Variants in FBXO41 observed in about 807,000 individuals in gnomAD.
FBXO41 encodes F-box only protein 41.
Under a neutral mutation model 81.6 loss-of-function variants are expected in FBXO41, and 33 were observed. The observed-to-expected ratio is 0.40, with a 90% CI of 0.31 to 0.54. The LOEUF is 0.54. Ranked by LOEUF, FBXO41 falls within the 20% of genes least tolerant of loss-of-function variation. The pLI is 0.39. For missense variants in FBXO41, 1,107 were observed against 1,236.0 expected, an observed-to-expected ratio of 0.90 and a Z score of 1.56; for synonymous variants, 576 against 552.7, an observed-to-expected ratio of 1.04 and a Z score of -0.59.
At chr2:73,265,859 G>T in intron 4 of FBXO41, 34 bp downstream of exon 4, 1 of 1,558,496 alleles carries the variant, frequency 6.4e-7, no homozygotes, top group Non-Finnish European at 8.7e-7. Context: ...GGGTGAGGGT[G>T]GGCTGCATGG....
At position 73,264,273 on chromosome 2, in the gene FBXO41, G is replaced by C; in HGVS notation, c.1806+5C>G. The stretch of plus-strand genomic sequence containing the variant: ...AGGGCACAGAAGGCAGGCAGGGGCA[G>C]GTACCTTGGAGCAGACACGGGCATT... On this transcript the variant is annotated splice_donor_5th_base_variant and intron_variant, in intron 6 of 12. Coordinates refer to ENST00000520530, the MANE Select transcript of FBXO41 (RefSeq NM_001371389.2). The C allele has an allele frequency of 6.2e-7, 1 of 1,613,228 alleles. No individual in the cohort carries two copies. The highest frequency in any genetic ancestry group is 2.2e-5 in the East Asian group (1 of 44,846).
chr2:73,258,836 G>A lies in FBXO41; in HGVS notation c.*146C>T. On this transcript the variant is annotated 3_prime_UTR_variant, in exon 13 of 13. Transcript: ENST00000520530. ...GCCTGTTGCTCTGCTGCTCCAGGAG[G>A]AGGACAGGAGACTTGACAGTCCCCC... 1.2e-6 allele frequency: 1 copy of A among 858,268 alleles called. No individual in the cohort carries two copies. Among genetic ancestry groups the A allele is most frequent in the Non-Finnish European group, 1.7e-6 (1 of 573,090 alleles). 53.2% of individuals were successfully genotyped at this position (858,268 alleles called of 1,614,324 possible). A position where few individuals can be genotyped will look rare whatever the true frequency, so the allele number is the denominator to read the frequency against.
chr2:73,260,994 G>GATC lies in FBXO41; in HGVS notation c.2172-139_2172-137dup. 1 of 657,984 alleles carries GATC rather than the reference G, an allele frequency of 1.5e-6. No homozygotes were observed. Among genetic ancestry groups the GATC allele is most frequent in the Non-Finnish European group, 2.6e-6 (1 of 385,420 alleles). 40.8% of individuals were successfully genotyped at this position (657,984 alleles called of 1,614,324 possible). ...CCAGCAGGTCAAGTCAGAGAACCAG[G>GATC]ATCATCCCTGACTCCTCTGCCCTCA... On this transcript the variant is annotated intron_variant, in intron 9 of 12. Transcript: ENST00000520530. The surrounding 1 kb of genome is among the most constrained non-coding windows in gnomAD (Gnocchi z 5.0).
At chr2:73,282,912 ATCT>A (rs1267265091) in intron 1 of FBXO41, among the ~76,000 whole-genome samples, 1 of 152,146 alleles carries the variant, frequency 6.6e-6, no homozygotes, top group East Asian at 1.9e-4. Context: ...CATTCATGGC[ATCT>A]TCTCTCTTCA....
At position 73,256,821 on chromosome 2, in the gene FBXO41, A is replaced by G. The variant is rs774985302; in HGVS notation, c.*2161T>C. 6.5e-6 allele frequency: 1 copy of G among 152,674 alleles called. No individual in the cohort carries two copies. Among genetic ancestry groups the G allele is most frequent in the South Asian group, 2.1e-4 (1 of 4,828 alleles). 9.5% of individuals were successfully genotyped at this position (152,674 alleles called of 1,614,324 possible). A position where few individuals can be genotyped will look rare whatever the true frequency, so the allele number is the denominator to read the frequency against. On this transcript the variant is annotated 3_prime_UTR_variant, in exon 13 of 13. Coordinates refer to ENST00000520530, the MANE Select transcript of FBXO41 (RefSeq NM_001371389.2). The stretch of plus-strand genomic sequence containing the variant: ...ACACCCCAACCTCCTTTCTAGGGCT[A>G]ATGCCAGGCATTCTAGTGTGTACCA...
Position 73,265,696 on chromosome 2 carries a change from T to C in FBXO41, c.1206-56A>G. ...TAAGAGGCACCAGGCCTACCCAAAC[T>C]CCCCATCCTGCCCCTACCATCAGCT... On this transcript the variant is annotated intron_variant, in intron 4 of 12. Coordinates refer to ENST00000520530, the MANE Select transcript of FBXO41 (RefSeq NM_001371389.2). 2.8e-6 allele frequency: 4 copies of C among 1,449,082 alleles called. No homozygotes were observed. The South Asian group carries it at 4.4e-5, about 16-fold the overall frequency. The allele number at this position is 1,449,082 out of a possible 1,614,324, so 89.8% of individuals were successfully genotyped here.
In FBXO41 at chr2:73,266,693, A is replaced by G; in HGVS notation, c.906-11T>C. On this transcript the variant is annotated splice_polypyrimidine_tract_variant and intron_variant, in intron 2 of 12. Coordinates refer to ENST00000520530, the MANE Select transcript of FBXO41 (RefSeq NM_001371389.2). The surrounding 1 kb of genome is among the most constrained non-coding windows in gnomAD (Gnocchi z 5.3). The stretch of plus-strand genomic sequence containing the variant: ...ATCTGCACCACCTCCCTGGGCCCAG[A>G]GCAGTCTCTTACCCCAGAGCCTCAG... 1 of 1,559,866 alleles carries G rather than the reference A, an allele frequency of 6.4e-7. No individual in the cohort carries two copies. The highest frequency in any genetic ancestry group is 1.8e-5 in the Admixed American group (1 of 56,550).
chr2:73,272,597 C>G (rs1043526904), intron 1 of FBXO41, among the ~76,000 whole-genome samples: 1 of 152,168 alleles, frequency 6.6e-6, no homozygotes, highest in Non-Finnish European at 1.5e-5. Flanking sequence ...TGAGAAGGGG[C>G]AGATGACCTT....
Position 73,260,895 on chromosome 2 carries a change from C to G in FBXO41, c.2172-37G>C. 1.3e-6 allele frequency: 2 copies of G among 1,518,656 alleles called. No homozygotes were observed. The highest frequency in any genetic ancestry group is 2.5e-5 in the East Asian group (1 of 40,618). The allele number at this position is 1,518,656 out of a possible 1,614,324, so 94.1% of individuals were successfully genotyped here. ...GAAGGGGGAGCCGTCAGGGAAGTCT[C>G]TGGATGCTTGATAACCCAGCATGCT... On this transcript the variant is annotated intron_variant, in intron 9 of 12. Coordinates refer to ENST00000520530, the MANE Select transcript of FBXO41 (RefSeq NM_001371389.2). The surrounding 1 kb of genome is among the most constrained non-coding windows in gnomAD (Gnocchi z 5.0).
In FBXO41 at chr2:73,258,977, C is replaced by T; in HGVS notation, c.*5G>A. ...TGGCAGGGGCCCTGCCGCCCCCTACCCGGGTTAGCAGCCGCCTTCCACCTT... is the reference window on the plus strand; with the variant it reads ...TGGCAGGGGCCCTGCCGCCCCCTACTCGGGTTAGCAGCCGCCTTCCACCTT... On this transcript the variant is annotated 3_prime_UTR_variant, in exon 13 of 13. Transcript: ENST00000520530. 6.4e-7 allele frequency: 1 copy of T among 1,571,318 alleles called. No homozygotes were observed. Among genetic ancestry groups the T allele is most frequent in the South Asian group, 1.2e-5 (1 of 85,454 alleles).
Position 73,276,594 on chromosome 2 carries a change from GA to G in FBXO41, c.-138-6827del. Among the ~76,000 whole-genome samples the G allele has an allele frequency of 3.2e-5, 4 of 124,290 alleles. No homozygotes were observed. The East Asian group carries it at 1.7e-3, about 53-fold the overall frequency. The allele number at this position is 124,290 out of a possible 152,430, so 81.5% of individuals were successfully genotyped here. A position where few individuals can be genotyped will look rare whatever the true frequency, so the allele number is the denominator to read the frequency against. ...AGAGAGAGAGAGAGAGAGAGAGAGA[GA>G]GAGAGAGAGGGAGAGAGGGAGAGAG... On this transcript the variant is annotated intron_variant, in intron 1 of 12. Coordinates refer to ENST00000520530, the MANE Select transcript of FBXO41 (RefSeq NM_001371389.2).
At position 73,257,205 on chromosome 2, in the gene FBXO41, G is replaced by A. The variant is rs148703695; in HGVS notation, c.*1777C>T. The A allele has an allele frequency of 2.2e-3, 344 of 153,186 alleles. No individual in the cohort carries two copies. Among genetic ancestry groups the A allele is most frequent in the Non-Finnish European group, 3.5e-3 (238 of 68,622 alleles). 9.5% of individuals were successfully genotyped at this position (153,186 alleles called of 1,614,324 possible). A position where few individuals can be genotyped will look rare whatever the true frequency, so the allele number is the denominator to read the frequency against. ...TGCTCTGGGGTAGGAGGCAAGGGGTGCCACACACAGCCAAGGCTTTGTGCA... is the reference window on the plus strand; with the variant it reads ...TGCTCTGGGGTAGGAGGCAAGGGGTACCACACACAGCCAAGGCTTTGTGCA... On this transcript the variant is annotated 3_prime_UTR_variant, in exon 13 of 13. Transcript: ENST00000520530. The surrounding 1 kb of genome is among the most constrained non-coding windows in gnomAD (Gnocchi z 4.6).
At chr2:73,279,279 A>C (rs889674165) in intron 1 of FBXO41, among the ~76,000 whole-genome samples, 1 of 152,114 alleles carries the variant, frequency 6.6e-6, no homozygotes, top group African/African-American at 2.4e-5. Flanking sequence ...GAAGGGAGAT[A>C]ATTTTGGCTG....
Position 73,264,474 on chromosome 2 carries a change from A to G in FBXO41, c.1610T>C (p.Val537Ala). Residue 537 changes from valine to alanine, a missense_variant, in exon 6 of 13, where the codon GTC (valine) becomes GCC (alanine). Transcript: ENST00000520530. Reference protein sequence around the residue: ...GSGRGRRAERVSPSRSNEVIS... With the variant: ...GSGRGRRAERASPSRSNEVIS... ...GACCTCATTGGAGCGTGAGGGGCTG[A>G]CCCTCTCTGCTCGCCGACCCCGCCC... 1 of 1,613,718 alleles carries G rather than the reference A, an allele frequency of 6.2e-7. No individual in the cohort carries two copies. The highest frequency in any genetic ancestry group is 1.7e-4 in the Middle Eastern group (1 of 6,046).
rs777376197 is a variant in FBXO41 at position 73,263,927 on chromosome 2, G to A, written c.1922+11C>T. ...CAACAGCACCCACCACCCACCCATC[G>A]CAGGCCTCACCGGGTGCTCCGGGCA... On this transcript the variant is annotated intron_variant, in intron 7 of 12. Transcript: ENST00000520530. The A allele has an allele frequency of 9.3e-6, 15 of 1,612,166 alleles. 1 individual carries two copies. The highest frequency in any genetic ancestry group is 4.4e-5 in the South Asian group (4 of 90,766).
chr2:73,260,293 C>G lies in FBXO41; in HGVS notation c.2449+96G>C, dbSNP rs1687960118. On this transcript the variant is annotated intron_variant, in intron 11 of 12. Transcript: ENST00000520530. This position sits in a 1 kb window ranked among gnomAD's most constrained non-coding sequence, Gnocchi z 5.0. ...CTGCCTCTGCCCTTGGCTGGAGACT[C>G]TGATCCATCTGCCCCAGTGATAGTT... 6.8e-7 allele frequency: 1 copy of G among 1,471,208 alleles called. No individual in the cohort carries two copies. The highest frequency in any genetic ancestry group is 1.3e-5 in the South Asian group (1 of 75,172). The allele number at this position is 1,471,208 out of a possible 1,614,324, so 91.1% of individuals were successfully genotyped here. A position where few individuals can be genotyped will look rare whatever the true frequency, so the allele number is the denominator to read the frequency against.
At chr2:73,281,411 G>T (rs1047801741) in intron 1 of FBXO41, among the ~76,000 whole-genome samples, 1 of 152,198 alleles carries the variant, frequency 6.6e-6, no homozygotes, top group African/African-American at 2.4e-5. Flanking sequence ...TTCCCAATGA[G>T]ACATGCCTCC....
Position 73,259,054 on chromosome 2 carries a change from G to A in FBXO41, c.2566-10C>T, listed in dbSNP as rs370901292. 232 of 1,604,714 alleles carry A rather than the reference G, an allele frequency of 1.4e-4. No individual in the cohort carries two copies. Among genetic ancestry groups the A allele is most frequent in the Non-Finnish European group, 1.8e-4 (212 of 1,175,534 alleles). The stretch of plus-strand genomic sequence containing the variant: ...GCCTCCGTCGCAGAGCCTGCGGACC[G>A]AACCCTGGGTTAGTTCTCCCTCCGT... On this transcript the variant is annotated splice_polypyrimidine_tract_variant and intron_variant, in intron 12 of 12. Transcript: ENST00000520530. This position sits in a 1 kb window ranked among gnomAD's most constrained non-coding sequence, Gnocchi z 4.2.
intron 1 of FBXO41, chr2:73,272,301 A>T (rs773971907): frequency 9.2e-5 from 14 of 152,280 alleles, no homozygotes; most frequent in Non-Finnish European, 1.8e-4. Context: ...AAAGGAGCCC[A>T]TCTGAAAGCA....
Sources: allele counts gnomAD v4.1 joint callset (sites outside exome capture counted in the v4.1 genomes callset), GRCh38; gene constraint gnomAD v4.1.1; non-coding constraint Gnocchi (gnomAD v3.1); transcripts MANE v1.5; gene names NCBI Gene and HGNC (gene_info 2026-07-23, HGNC 2026-07-21).